Variants in HCN1 observed in about 807,000 individuals in gnomAD.
HCN1 encodes hyperpolarization activated cyclic nucleotide gated potassium channel 1.
A neutral mutation model predicts 78.9 loss-of-function variants in HCN1; 13 were observed. That is an observed-to-expected ratio of 0.16 (90% CI 0.11 to 0.26). The LOEUF is 0.26. Among genes scored for constraint, HCN1 ranks in the 10% least tolerant of loss-of-function variants. The pLI, the probability that HCN1 is intolerant of heterozygous loss-of-function variation, is 1.00. For synonymous variants in HCN1, 552 were observed against 455.5 expected (o/e 1.21, Z -2.70); for missense variants, 810 against 1,154.3 (o/e 0.70, Z 4.32).
rs933620684 is a variant in HCN1, at chr5:45,645,497, A to G, written c.537T>C (p.Asn179=). 3 of 1,613,274 alleles carry G rather than the reference A, an allele frequency of 1.9e-6. No homozygotes were observed. The African/African-American group carries it at 4.0e-5, about 22-fold the overall frequency. Residue 179 remains asparagine (N), a synonymous_variant, in exon 2 of 8, where the codon AAT becomes AAC. Coordinates refer to ENST00000303230, the MANE Select transcript of HCN1 (RefSeq NM_021072.4). ...EQTTTPWIIF[N]VASDTVFLLD... is the part of the protein sequence containing the mutation. The stretch of plus-strand genomic sequence containing the variant: ...ATAGGAAAACTGTATCTGATGCCAC[A>G]TTGAAAATAATCCATGGTGTTGTTG...
intron 7 of HCN1, among the ~76,000 whole-genome samples, chr5:45,264,219 A>G (rs1004502369): frequency 7.2e-5 from 11 of 152,322 alleles, no homozygotes; most frequent in African/African-American, 2.6e-4. Flanking sequence ...TAAGACCTCA[A>G]TAAATTTTAC....
intron 1 of HCN1, among the ~76,000 whole-genome samples, chr5:45,673,027 T>C (rs1746184599): frequency 6.6e-6 from 1 of 151,528 alleles, no homozygotes; most frequent in Admixed American, 6.6e-5. Context: ...TCCAGCATGC[T>C]GTCCAGGGTA....
At chr5:45,373,642 A>G (rs887293768) in intron 4 of HCN1, among the ~76,000 whole-genome samples, 1 of 133,560 alleles carries the variant, frequency 7.5e-6, no homozygotes. Flanking sequence ...TATATACGTC[A>G]TCTATAATAT....
chr5:45,262,556 A>T lies in HCN1; in HGVS notation c.2038T>A (p.Ser680Thr). The change falls in exon 8 of 8, where the codon TCC becomes ACC. Residue 680 changes from serine (S) to threonine (T), a missense_variant. Physicochemically the swap from Ser to Thr is moderately conservative, Grantham distance 58. Around this residue, in one of 6 missense-constraint regions of HCN1, gnomAD observed 398 missense variants for 381.3 expected, o/e 1.04. Coordinates refer to ENST00000303230, the MANE Select transcript of HCN1 (RefSeq NM_021072.4). ...GGGGTCTGTGTGCTGGGACTGGGGG[A>T]GTGCAGGTTGCTGTGAGACAGGCTG... ...ATSLSHSNLH[S>T]PSPSTQTPQP... 6.2e-7 allele frequency: 1 copy of T among 1,612,262 alleles called. No individual in the cohort carries two copies. The highest frequency in any genetic ancestry group is 8.5e-7 in the Non-Finnish European group (1 of 1,179,544).
chr5:45,392,999 A>G (rs1739614363), intron 4 of HCN1, among the ~76,000 whole-genome samples: 1 of 152,120 alleles, frequency 6.6e-6, no homozygotes, highest in Non-Finnish European at 1.5e-5. Flanking sequence ...GCCATTAGAA[A>G]GCACAGTCCA....
intron 2 of HCN1, among the ~76,000 whole-genome samples, chr5:45,548,490 T>C (rs902289324): frequency 2.6e-5 from 4 of 152,064 alleles, no homozygotes; most frequent in African/African-American, 9.7e-5. Flanking sequence ...TCACGGGACA[T>C]ATCTCGAAAT....
At position 45,258,887 on chromosome 5, in the gene HCN1, T is replaced by A. The variant is rs917221240; in HGVS notation, c.*3034A>T. The A allele has an allele frequency of 3.3e-5, 5 of 152,120 alleles. No individual in the cohort carries two copies. The highest frequency in any genetic ancestry group is 1.2e-4 in the African/African-American group (5 of 41,566). 9.4% of individuals were successfully genotyped at this position (152,120 alleles called of 1,614,324 possible). A position where few individuals can be genotyped will look rare whatever the true frequency, so the allele number is the denominator to read the frequency against. The stretch of plus-strand genomic sequence containing the variant: ...AACAAAATAGGTTTGTATAAATATA[T>A]TACAGGACAATTATTTACCATTATT... On this transcript the variant is annotated 3_prime_UTR_variant, in exon 8 of 8. Transcript: ENST00000303230.
chr5:45,328,390 C>T (rs530766234), intron 5 of HCN1, among the ~76,000 whole-genome samples: 64 of 151,584 alleles, frequency 4.2e-4, no homozygotes, highest in African/African-American at 1.5e-3. Context: ...CATTTTATGG[C>T]TCTCTGGCAT....
chr5:45,579,252 T>A (rs914036242), intron 2 of HCN1, among the ~76,000 whole-genome samples: 4 of 152,090 alleles, frequency 2.6e-5, no homozygotes, highest in Non-Finnish European at 5.9e-5. Context: ...GGTAGTCAGA[T>A]AAACTCTTAA....
chr5:45,423,525 C>A (rs541554290), intron 3 of HCN1, among the ~76,000 whole-genome samples: 2 of 152,330 alleles, frequency 1.3e-5, no homozygotes, highest in South Asian at 4.1e-4. Context: ...TTTTTGTTCA[C>A]TACATTCTAC....
chr5:45,283,786 A>G (rs770249021), intron 6 of HCN1, among the ~76,000 whole-genome samples: 1 of 152,176 alleles, frequency 6.6e-6, no homozygotes, highest in Non-Finnish European at 1.5e-5. Context: ...CTATCCCATT[A>G]CCGCATATAC....
chr5:45,477,817 C>T (rs1476432840), intron 2 of HCN1, among the ~76,000 whole-genome samples: 2 of 152,004 alleles, frequency 1.3e-5, no homozygotes, highest in Non-Finnish European at 2.9e-5. Flanking sequence ...TATTCAACCT[C>T]TGCATAAAAC....
chr5:45,610,197 AC>A (rs1357150811), intron 2 of HCN1, among the ~76,000 whole-genome samples: 6 of 151,958 alleles, frequency 3.9e-5, no homozygotes, highest in Non-Finnish European at 8.8e-5. Flanking sequence ...TTTAACTTGA[AC>A]CCTTTTTTCT....
rs182077733 is a variant in HCN1, at chr5:45,479,071, G to A, written c.850-17064C>T. 4.9e-4 allele frequency among the ~76,000 whole-genome samples: 74 copies of A among 151,186 alleles called. 1 individual carries two copies. Among genetic ancestry groups the A allele is most frequent in the Admixed American group, 9.9e-4 (15 of 15,150 alleles). ...GGACCCAGGAGGCAGAGGTTGCAGT[G>A]AACAGAGATCATGCCACTGCACTCC... On this transcript the variant is annotated intron_variant, in intron 2 of 7. Transcript: ENST00000303230.
chr5:45,589,511 T>C (rs1744310601), intron 2 of HCN1, among the ~76,000 whole-genome samples: 1 of 152,190 alleles, frequency 6.6e-6, no homozygotes, highest in Admixed American at 6.6e-5. Flanking sequence ...GTCTTTGTTA[T>C]GAAAGAGGTA....
intron 2 of HCN1, among the ~76,000 whole-genome samples, chr5:45,619,054 G>A (rs1382291366): frequency 6.6e-6 from 1 of 151,940 alleles, no homozygotes; most frequent in Non-Finnish European, 1.5e-5. Flanking sequence ...CTTTGAAAAT[G>A]GTTTTAGCAC....
intron 5 of HCN1, among the ~76,000 whole-genome samples, chr5:45,329,466 G>T (rs1411643149): frequency 6.6e-6 from 1 of 151,344 alleles, no homozygotes; most frequent in African/African-American, 2.4e-5. Context: ...CAAGGAAAAG[G>T]CACAGGAGTC....
At chr5:45,476,041 T>C (rs1371667378) in intron 2 of HCN1, among the ~76,000 whole-genome samples, 1 of 152,146 alleles carries the variant, frequency 6.6e-6, no homozygotes. Flanking sequence ...TTTAAAATCA[T>C]AGGTGAGAGT....
intron 2 of HCN1, among the ~76,000 whole-genome samples, chr5:45,512,131 A>G (rs992012809): frequency 6.6e-6 from 1 of 152,034 alleles, no homozygotes; most frequent in Admixed American, 6.6e-5. Context: ...TTCTATCGTC[A>G]CTTTCTATTT....
Sources: allele counts gnomAD v4.1 joint callset (sites outside exome capture counted in the v4.1 genomes callset), GRCh38; gene constraint gnomAD v4.1.1; regional missense constraint gnomAD v4.1.1; transcripts MANE v1.5; gene names NCBI Gene and HGNC (gene_info 2026-07-23, HGNC 2026-07-21).